NEDD9: variants seen among roughly 807,000 people sequenced by gnomAD.
NEDD9 encodes enhancer of filamentation 1.
A neutral mutation model predicts 76.6 loss-of-function variants in NEDD9; 26 were observed. The observed-to-expected ratio is 0.34, with a 90% CI of 0.25 to 0.47. NEDD9 has a LOEUF of 0.47. NEDD9 is among the 20% of genes least tolerant of loss of function. The pLI is 1.00. For synonymous variants in NEDD9, 392 were observed against 414.2 expected (o/e 0.95, Z 0.65); for missense variants, 937 against 1,058.5 (o/e 0.89, Z 1.59).
chr6:11,203,213 G>C (rs377320259), intron 2 of NEDD9, among the ~76,000 whole-genome samples: 9 of 152,196 alleles, frequency 5.9e-5, no homozygotes, highest in African/African-American at 2.2e-4. Flanking sequence ...ACAAGCCTGT[G>C]ACAAGTTGGA....
chr6:11,229,967 C>T (rs548160087), intron 1 of NEDD9, among the ~76,000 whole-genome samples: 1 of 152,306 alleles, frequency 6.6e-6, no homozygotes, highest in East Asian at 1.9e-4. Context: ...AGGTTAACAA[C>T]GACAATCTTA....
intron 5 of NEDD9, among the ~76,000 whole-genome samples, chr6:11,189,312 G>C (rs748252272): frequency 6.6e-6 from 1 of 152,146 alleles, no homozygotes; most frequent in Non-Finnish European, 1.5e-5. Flanking sequence ...CTTGGAGCTT[G>C]GTAGAATTCC....
chr6:11,248,694 C>A (rs1217971778), intron 3 of NEDD9, among the ~76,000 whole-genome samples: 1 of 152,134 alleles, frequency 6.6e-6, no homozygotes, highest in African/African-American at 2.4e-5. Context: ...AAGGCCAGGC[C>A]CATCCAGAAT....
chr6:11,319,216 C>T (rs1761679139), intron 2 of NEDD9, among the ~76,000 whole-genome samples: 1 of 152,256 alleles, frequency 6.6e-6, no homozygotes, highest in African/African-American at 2.4e-5. Context: ...CCAAGCTCTG[C>T]TGTTCACAGC....
At chr6:11,245,593 C>G (rs544995108) in intron 3 of NEDD9, among the ~76,000 whole-genome samples, 1 of 152,180 alleles carries the variant, frequency 6.6e-6, no homozygotes, top group East Asian at 1.9e-4. Flanking sequence ...ATACCTATTA[C>G]AGTAGCAGCC....
intron 1 of NEDD9, among the ~76,000 whole-genome samples, chr6:11,363,235 A>G (rs974315885): frequency 2.0e-5 from 3 of 152,230 alleles, no homozygotes; most frequent in Admixed American, 6.5e-5. Context: ...AAACCTGGTG[A>G]AAGATAAGAT....
At chr6:11,330,291 TTGGTATGACATTATCTG>T (rs1762009356) in intron 2 of NEDD9, among the ~76,000 whole-genome samples, 1 of 152,154 alleles carries the variant, frequency 6.6e-6, no homozygotes, top group African/African-American at 2.4e-5. Context: ...TTAACCCGTG[TTGGTATGACATTATCTG>T]TGGGAGGGAG....
intron 3 of NEDD9, among the ~76,000 whole-genome samples, chr6:11,297,132 GT>G (rs199939249): frequency 0.046 from 5,894 of 129,214 alleles, 238 homozygotes; most frequent in African/African-American, 0.11. Context: ...AATTTGTTTT[GT>G]TTTTTTTTTT....
intron 1 of NEDD9, among the ~76,000 whole-genome samples, chr6:11,341,208 T>C (rs1210305931): frequency 6.6e-6 from 1 of 152,208 alleles, no homozygotes; most frequent in African/African-American, 2.4e-5. Context: ...TGAAGCAAGA[T>C]AGTTTTCAGA....
intron 3 of NEDD9, among the ~76,000 whole-genome samples, chr6:11,255,647 G>A (rs916204985): frequency 6.6e-6 from 1 of 152,130 alleles, no homozygotes; most frequent in Non-Finnish European, 1.5e-5. Context: ...TTGAGAGGCA[G>A]AAAATTCCTT....
In NEDD9 at chr6:11,252,704, A is replaced by C. The variant is rs114969754; in HGVS notation, c.13-38977T>G. ...AATGACAAATAGAGGACAGAAATGA[A>C]TTCCTAGCCTGCAGTTTCATTTTCC... On this transcript the variant is annotated intron_variant, in intron 3 of 3. Coordinates refer to the NEDD9 transcript ENST00000397378. This position sits in a 1 kb window ranked among gnomAD's most constrained non-coding sequence, Gnocchi z 4.3. Among the ~76,000 whole-genome samples, 571 of 150,026 alleles carry C rather than the reference A, an allele frequency of 3.8e-3. 2 individuals carry two copies. Among genetic ancestry groups the C allele is most frequent in the African/African-American group, 0.013 (552 of 41,074 alleles).
intron 3 of NEDD9, among the ~76,000 whole-genome samples, chr6:11,298,039 C>T (rs1468261711): frequency 3.3e-5 from 5 of 151,778 alleles, no homozygotes; most frequent in Admixed American, 3.3e-4. Flanking sequence ...TTCTGAATAG[C>T]TGTTACTATA....
At chr6:11,343,606 T>C (rs1387255795) in intron 1 of NEDD9, among the ~76,000 whole-genome samples, 1 of 152,258 alleles carries the variant, frequency 6.6e-6, no homozygotes, top group Non-Finnish European at 1.5e-5. Flanking sequence ...CTTTTGCCTG[T>C]TATGTTCAGA....
intron 2 of NEDD9, among the ~76,000 whole-genome samples, chr6:11,320,171 G>A (rs1392151857): frequency 6.6e-6 from 1 of 152,108 alleles, no homozygotes; most frequent in Non-Finnish European, 1.5e-5. Context: ...CCAGTCCACT[G>A]CCAAGCTGAG....
At chr6:11,378,630 C>A (rs1307445462) in intron 1 of NEDD9, among the ~76,000 whole-genome samples, 2 of 152,042 alleles carry the variant, frequency 1.3e-5, no homozygotes, top group African/African-American at 4.8e-5. Flanking sequence ...CTTATATATA[C>A]TTTTTTGTAG....
chr6:11,324,490 T>A (rs1761880476), intron 2 of NEDD9, among the ~76,000 whole-genome samples: 1 of 152,240 alleles, frequency 6.6e-6, no homozygotes, highest in African/African-American at 2.4e-5. Flanking sequence ...ACCTGTGTGC[T>A]TGCATAGGAC....
At chr6:11,226,131 AG>A (rs1759302011) in intron 1 of NEDD9, among the ~76,000 whole-genome samples, 1 of 152,238 alleles carries the variant, frequency 6.6e-6, no homozygotes, top group African/African-American at 2.4e-5. Flanking sequence ...AATCCTTTGC[AG>A]GCTGTCATGT....
chr6:11,300,040 A>C (rs969305513), intron 3 of NEDD9, among the ~76,000 whole-genome samples: 1 of 152,216 alleles, frequency 6.6e-6, no homozygotes, highest in African/African-American at 2.4e-5. Flanking sequence ...TGGCTTCAGA[A>C]GGTCTGTGAT....
chr6:11,347,055 C>T (rs1482529587), intron 1 of NEDD9, among the ~76,000 whole-genome samples: 2 of 152,156 alleles, frequency 1.3e-5, no homozygotes, highest in African/African-American at 4.8e-5. Flanking sequence ...GCCCTCTCCA[C>T]CATCCCCTCC....
Sources: allele counts gnomAD v4.1 joint callset (sites outside exome capture counted in the v4.1 genomes callset), GRCh38; gene constraint gnomAD v4.1.1; non-coding constraint Gnocchi (gnomAD v3.1); transcripts MANE v1.5; gene names NCBI Gene and HGNC (gene_info 2026-07-23, HGNC 2026-07-21).